Variants in SAMD3 observed in about 807,000 individuals in gnomAD.
SAMD3 encodes the protein sterile alpha motif domain-containing protein 3.
A neutral mutation model predicts 58.5 loss-of-function variants in SAMD3; 63 were observed. The ratio of observed to expected loss-of-function variants is 1.08; its 90% CI spans 0.88 to 1.33. The LOEUF (loss-of-function observed/expected upper bound fraction) is 1.33, where lower values mean the gene tolerates loss of function less well. Ranked by LOEUF, SAMD3 falls within the 40% of genes most tolerant of loss-of-function variation. The pLI, the probability that SAMD3 is intolerant of heterozygous loss-of-function variation, is 0.00. For synonymous variants in SAMD3, 220 were observed against 210.3 expected (o/e 1.05, Z -0.40); for missense variants, 604 against 608.4 (o/e 0.99, Z 0.08).
chr6:130,191,938 T>C (rs931189414), intron 5 of SAMD3, among the ~76,000 whole-genome samples: 1 of 152,260 alleles, frequency 6.6e-6, no homozygotes, highest in Non-Finnish European at 1.5e-5. Flanking sequence ...GCACTATGCA[T>C]GTGTTAGCAG....
chr6:130,191,775 A>G (rs776220709), intron 5 of SAMD3, among the ~76,000 whole-genome samples: 1 of 152,196 alleles, frequency 6.6e-6, no homozygotes, highest in Non-Finnish European at 1.5e-5. Flanking sequence ...TATGAGAAAA[A>G]TAAAAGTCAA....
At chr6:130,198,134 G>A (rs1794311616) in intron 5 of SAMD3, among the ~76,000 whole-genome samples, 1 of 151,946 alleles carries the variant, frequency 6.6e-6, no homozygotes, top group Non-Finnish European at 1.5e-5. Flanking sequence ...TCTCTTTTTG[G>A]ACTCAGCCCG....
intron 2 of SAMD3, among the ~76,000 whole-genome samples, chr6:130,274,189 A>G (rs1360917381): frequency 6.6e-6 from 1 of 152,136 alleles, no homozygotes; most frequent in Non-Finnish European, 1.5e-5. Context: ...GTCTTTCAGT[A>G]CCTTGACTAT....
chr6:130,208,144 T>C (rs148435853), intron 5 of SAMD3, among the ~76,000 whole-genome samples: 1 of 152,352 alleles, frequency 6.6e-6, no homozygotes, highest in African/African-American at 2.4e-5. Flanking sequence ...TACTGCTCTG[T>C]GGGCAAAATG....
intron 2 of SAMD3, among the ~76,000 whole-genome samples, chr6:130,267,558 A>C (rs1562489664): frequency 6.6e-6 from 1 of 152,150 alleles, no homozygotes; most frequent in Non-Finnish European, 1.5e-5. Flanking sequence ...TATACTCAGA[A>C]AAGGAAAGAG....
At chr6:130,344,450 C>T (rs1023284307) in intron 1 of SAMD3, among the ~76,000 whole-genome samples, 6 of 152,214 alleles carry the variant, frequency 3.9e-5, no homozygotes, top group South Asian at 2.1e-4. Flanking sequence ...GATGTGATTT[C>T]GGCTCACTGC....
At chr6:130,213,881 G>A (rs566685737) in intron 4 of SAMD3, among the ~76,000 whole-genome samples, 37 of 152,102 alleles carry the variant, frequency 2.4e-4, no homozygotes, top group African/African-American at 7.2e-4. Flanking sequence ...AAATTACATC[G>A]TAAAGGCATC....
chr6:130,232,602 A>G (rs1370647758), intron 2 of SAMD3, among the ~76,000 whole-genome samples: 1 of 152,190 alleles, frequency 6.6e-6, no homozygotes, highest in Admixed American at 6.5e-5. Context: ...ATCAAAAAAA[A>G]TAAGGTCTAC....
At chr6:130,215,704 A>T (rs1267938321) in intron 2 of SAMD3, 1 of 1,453,244 alleles carries the variant, frequency 6.9e-7, no homozygotes, top group South Asian at 1.4e-5. Context: ...CATTTACAGA[A>T]GGGGTGGGCA....
At chr6:130,161,826 CAG>C (rs1216210387) in intron 8 of SAMD3, 1 of 154,536 alleles carries the variant, frequency 6.5e-6, no homozygotes, top group Non-Finnish European at 1.4e-5. Flanking sequence ...ATTTCTTTAA[CAG>C]TGCACGTTGA....
At chr6:130,248,767 G>A (rs1482461880) in intron 2 of SAMD3, among the ~76,000 whole-genome samples, 1 of 152,168 alleles carries the variant, frequency 6.6e-6, no homozygotes, top group East Asian at 1.9e-4. Context: ...AAGGAACGGA[G>A]AGAAGGTTTC....
At chr6:130,215,602 A>G in intron 2 of SAMD3, 1 of 1,378,422 alleles carries the variant, frequency 7.3e-7, no homozygotes, top group Non-Finnish European at 9.3e-7. Flanking sequence ...ATACAATGGT[A>G]CCCAATCCTG....
At chr6:130,213,306 C>T (rs1795728412) in intron 4 of SAMD3, among the ~76,000 whole-genome samples, 1 of 150,950 alleles carries the variant, frequency 6.6e-6, no homozygotes, top group South Asian at 2.1e-4. Context: ...CTAAAAAAAA[C>T]AAAAAGCTTT....
At chr6:130,277,947 T>TG (rs1774838674) in intron 2 of SAMD3, among the ~76,000 whole-genome samples, 1 of 152,154 alleles carries the variant, frequency 6.6e-6, no homozygotes, top group Admixed American at 6.5e-5. Flanking sequence ...CCTTCTTGCT[T>TG]GGGGACTAGA....
chr6:130,198,198 G>C (rs1794315650), intron 5 of SAMD3, among the ~76,000 whole-genome samples: 1 of 152,078 alleles, frequency 6.6e-6, no homozygotes, highest in South Asian at 2.1e-4. Context: ...CCTGTTTGGT[G>C]GTCTCTTCAC....
At chr6:130,351,369 C>T (rs889209525) in intron 1 of SAMD3, among the ~76,000 whole-genome samples, 7 of 152,052 alleles carry the variant, frequency 4.6e-5, no homozygotes, top group African/African-American at 1.7e-4. Flanking sequence ...TGAACTCCAA[C>T]AAATTTACAA....
intron 2 of SAMD3, among the ~76,000 whole-genome samples, chr6:130,239,695 G>C (rs965633336): frequency 1.4e-4 from 22 of 152,260 alleles, no homozygotes; most frequent in African/African-American, 4.3e-4. Context: ...AATGCTACAA[G>C]CCAGTACATT....
rs559437041 is a variant in SAMD3 at position 130,286,272 on chromosome 6, A to G, written c.-188+26706T>C. 2.0e-5 allele frequency: 3 copies of G among 152,394 alleles called. No homozygotes were observed. The East Asian group carries it at 5.8e-4, about 29-fold the overall frequency. The allele number at this position is 152,394 out of a possible 1,614,324, so 9.4% of individuals were successfully genotyped here. ...CAACACAGGATGGCCAGAAGGGAGG[A>G]AAAGTGAGCATCAAGGAAACCAATT... is the stretch of plus-strand genomic sequence containing the variant. On this transcript the variant is annotated intron_variant, in intron 2 of 13. Transcript: ENST00000368134.
chr6:130,152,168 T>C (rs1789263147), intron 9 of SAMD3, among the ~76,000 whole-genome samples: 1 of 152,016 alleles, frequency 6.6e-6, no homozygotes, highest in African/African-American at 2.4e-5. Flanking sequence ...GCACTCAGTG[T>C]TTTCACAATG....
Sources: allele counts gnomAD v4.1 joint callset (sites outside exome capture counted in the v4.1 genomes callset), GRCh38; gene constraint gnomAD v4.1.1; transcripts MANE v1.5; gene names NCBI Gene and HGNC (gene_info 2026-07-23, HGNC 2026-07-21).